Variants in PLCL1 observed in about 807,000 individuals in gnomAD.
PLCL1 encodes phospholipase C like 1 (inactive).
In PLCL1, 41 loss-of-function variants were observed where a neutral mutation model predicts 84.4. The observed-to-expected ratio is 0.49, with a 90% CI of 0.38 to 0.63. PLCL1 has a LOEUF of 0.63. Ranked by LOEUF, PLCL1 falls within the 30% of genes least tolerant of loss-of-function variation. The pLI, the probability that PLCL1 is intolerant of heterozygous loss-of-function variation, is 0.00. For missense variants in PLCL1, 1,206 were observed against 1,367.8 expected, an observed-to-expected ratio of 0.88 and a Z score of 1.87; for synonymous variants, 490 against 488.3, an observed-to-expected ratio of 1.00 and a Z score of -0.05.
chr2:198,107,365 A>AT (rs758707467), intron 5 of PLCL1, among the ~76,000 whole-genome samples: 226 of 152,000 alleles, frequency 1.5e-3, no homozygotes, highest in Non-Finnish European at 1.3e-3. Context: ...TATCAGTCCC[A>AT]TTGGGTCCAG....
At chr2:197,858,792 T>C (rs956132592) in intron 1 of PLCL1, among the ~76,000 whole-genome samples, 1 of 152,174 alleles carries the variant, frequency 6.6e-6, no homozygotes, top group Admixed American at 6.6e-5. Flanking sequence ...CCCTTCAGCC[T>C]GGGCTCTGCT....
intron 1 of PLCL1, among the ~76,000 whole-genome samples, chr2:197,986,192 T>A (rs1181914758): frequency 1.3e-5 from 2 of 152,184 alleles, no homozygotes; most frequent in African/African-American, 2.4e-5. Context: ...AATTAAAAGA[T>A]TGTAACCCGA....
intron 1 of PLCL1, among the ~76,000 whole-genome samples, chr2:197,841,090 T>G (rs1686991366): frequency 6.6e-6 from 1 of 152,190 alleles, no homozygotes; most frequent in South Asian, 2.1e-4. Context: ...TCCCATATAC[T>G]CCTCATATCC....
At chr2:197,844,257 G>A (rs1400251480) in intron 1 of PLCL1, among the ~76,000 whole-genome samples, 3 of 152,002 alleles carry the variant, frequency 2.0e-5, no homozygotes, top group Non-Finnish European at 2.9e-5. Context: ...ACCCCAGAAG[G>A]AGCACACCTT....
intron 1 of PLCL1, among the ~76,000 whole-genome samples, chr2:197,820,592 C>T (rs1690796422): frequency 6.6e-6 from 1 of 152,000 alleles, no homozygotes; most frequent in Admixed American, 6.6e-5. Flanking sequence ...AAGAGAAAAG[C>T]AATACTTTCT....
chr2:197,973,106 T>G (rs1689903607), intron 1 of PLCL1, among the ~76,000 whole-genome samples: 1 of 152,196 alleles, frequency 6.6e-6, no homozygotes, highest in Admixed American at 6.5e-5. Flanking sequence ...AGGTGGGAGA[T>G]CTGCTCAGGT....
chr2:197,976,680 C>T (rs1010732085), intron 1 of PLCL1, among the ~76,000 whole-genome samples: 1 of 152,194 alleles, frequency 6.6e-6, no homozygotes, highest in Non-Finnish European at 1.5e-5. Context: ...AACTCCTGAC[C>T]TCGTGATCCA....
intron 1 of PLCL1, among the ~76,000 whole-genome samples, chr2:197,926,719 G>A (rs1688838550): frequency 6.6e-6 from 1 of 152,156 alleles, no homozygotes; most frequent in African/African-American, 2.4e-5. Flanking sequence ...CTGGGGAGTA[G>A]GAAGCCTTCT....
chr2:197,910,437 C>G (rs1688466279), intron 1 of PLCL1, among the ~76,000 whole-genome samples: 1 of 152,236 alleles, frequency 6.6e-6, no homozygotes, highest in South Asian at 2.1e-4. Context: ...CCCAAGCCCT[C>G]CTTTTACCCC....
intron 5 of PLCL1, among the ~76,000 whole-genome samples, chr2:198,144,390 A>G (rs1406428856): frequency 6.6e-6 from 1 of 152,200 alleles, no homozygotes; most frequent in Non-Finnish European, 1.5e-5. Context: ...AGTAGTACAT[A>G]TACATTATAC....
chr2:197,873,596 T>C (rs1687686555), intron 1 of PLCL1, among the ~76,000 whole-genome samples: 24 of 152,180 alleles, frequency 1.6e-4, no homozygotes, highest in Admixed American at 1.6e-3. Context: ...TATTTGTGGC[T>C]ATCCCTGGGA....
chr2:197,819,150 A>G (rs1690755355), intron 1 of PLCL1, among the ~76,000 whole-genome samples: 1 of 152,108 alleles, frequency 6.6e-6, no homozygotes, highest in Non-Finnish European at 1.5e-5. Flanking sequence ...CAACATCCCT[A>G]TGAGGCCATC....
chr2:198,036,375 A>G (rs1691550710), intron 1 of PLCL1, among the ~76,000 whole-genome samples: 1 of 152,234 alleles, frequency 6.6e-6, no homozygotes, highest in Non-Finnish European at 1.5e-5. Flanking sequence ...CTAATTTTCT[A>G]TTAGTTTGAA....
Position 198,086,187 on chromosome 2 carries a change from G to C in PLCL1, c.2670G>C (p.Ala890=). 6.2e-7 allele frequency: 1 copy of C among 1,613,558 alleles called. No individual in the cohort carries two copies. Among genetic ancestry groups the C allele is most frequent in the Middle Eastern group, 1.7e-4 (1 of 6,056 alleles). Residue 890 remains alanine, a synonymous_variant, in exon 2 of 6, where the codon GCG becomes GCC. Coordinates refer to ENST00000428675, the MANE Select transcript of PLCL1 (RefSeq NM_006226.4). The part of the protein sequence containing the change: ...LKTIDDIFKI[A]VHPLREAIDM... ...CCATTGATGACATCTTTAAAATAGC[G>C]GTTCATCCATTACGAGAAGCCATAG... is the stretch of plus-strand genomic sequence containing the variant.
chr2:198,089,790 G>A (rs2105902578), intron 3 of PLCL1, among the ~76,000 whole-genome samples: 1 of 152,086 alleles, frequency 6.6e-6, no homozygotes, highest in Non-Finnish European at 1.5e-5. Context: ...AGGTGAATAG[G>A]CAATTCACTT....
rs117274739 is a variant in PLCL1 at position 198,147,042 on chromosome 2, T to C, written c.*80T>C. 5.2e-4 allele frequency: 652 copies of C among 1,245,186 alleles called. 4 individuals are homozygous for C. The East Asian group carries it at 0.011, about 21-fold the overall frequency. The allele number at this position is 1,245,186 out of a possible 1,614,324, so 77.1% of individuals were successfully genotyped here. A position where few individuals can be genotyped will look rare whatever the true frequency, so the allele number is the denominator to read the frequency against. On this transcript the variant is annotated 3_prime_UTR_variant, in exon 6 of 6. Transcript: ENST00000428675. ...TCTTGTTTTCTTTCTTTAAATGTTT[T>C]ATAAGTTCACAAAATGGTGCCCTAT...
intron 1 of PLCL1, among the ~76,000 whole-genome samples, chr2:198,045,023 G>A (rs1691753202): frequency 6.6e-6 from 1 of 152,218 alleles, no homozygotes; most frequent in Non-Finnish European, 1.5e-5. Flanking sequence ...TGAGAAAAAT[G>A]TGGTTGCAAT....
intron 1 of PLCL1, among the ~76,000 whole-genome samples, chr2:197,895,051 AG>A (rs1473289019): frequency 1.3e-5 from 2 of 152,078 alleles, no homozygotes; most frequent in African/African-American, 4.8e-5. Context: ...TCTTACAGAA[AG>A]GGGAAGTAAT....
chr2:197,901,919 A>G (rs1574939867), intron 1 of PLCL1, among the ~76,000 whole-genome samples: 1 of 152,300 alleles, frequency 6.6e-6, no homozygotes, highest in South Asian at 2.1e-4. Context: ...AAAATTCCCT[A>G]AAGACCTATA....
Sources: gnomAD v4.1 joint callset for allele counts (sites outside exome capture counted in the v4.1 genomes callset) on GRCh38, gnomAD v4.1.1 for gene constraint, MANE v1.5 for transcripts, NCBI Gene and HGNC (gene_info 2026-07-23, HGNC 2026-07-21) for gene names.